The following LAMA2 variants were observed in gnomAD, a reference collection of about 807,000 sequenced individuals.
LAMA2 encodes the protein laminin subunit alpha-2.
A neutral mutation model predicts 364.8 loss-of-function variants in LAMA2; 269 were observed. The observed-to-expected ratio is 0.74, with a 90% CI of 0.67 to 0.82. The LOEUF is 0.82. LAMA2 is among the 40% of genes least tolerant of loss of function. LAMA2 has a pLI of 0.00. For missense variants in LAMA2, 3,807 were observed against 3,873.2 expected (o/e 0.98, Z 0.45); for synonymous variants, 1,379 against 1,370.6 (o/e 1.01, Z -0.14).
chr6:128,956,359 G>T (rs767378447), intron 1 of LAMA2, among the ~76,000 whole-genome samples: 2 of 151,884 alleles, frequency 1.3e-5, no homozygotes, highest in Non-Finnish European at 2.9e-5. Context: ...TGCCTTTAGG[G>T]AATTTTTTTA....
At chr6:129,031,118 A>ATG (rs914079637) in intron 1 of LAMA2, among the ~76,000 whole-genome samples, 21 of 152,192 alleles carry the variant, frequency 1.4e-4, no homozygotes, top group Admixed American at 1.2e-3. Flanking sequence ...CTGCATATTT[A>ATG]TGTGTGTGTT....
At chr6:129,384,253 T>C (rs114334729) in intron 35 of LAMA2, among the ~76,000 whole-genome samples, 1,545 of 152,298 alleles carry the variant, frequency 0.01, 17 homozygotes, top group African/African-American at 0.035. Flanking sequence ...GTACTTTCCC[T>C]AGTATTATTT....
intron 51 of LAMA2, among the ~76,000 whole-genome samples, chr6:129,471,900 T>C (rs1783830522): frequency 6.6e-6 from 1 of 151,972 alleles, no homozygotes; most frequent in East Asian, 1.9e-4. Flanking sequence ...TTTGATTTTA[T>C]TGAAGACACA....
At chr6:129,088,288 T>G (rs566666855) in intron 3 of LAMA2, among the ~76,000 whole-genome samples, 1 of 152,022 alleles carries the variant, frequency 6.6e-6, no homozygotes, top group African/African-American at 2.4e-5. Context: ...CTCCTATGTC[T>G]ACTTCTTTCT....
At chr6:129,051,458 C>T (rs146335727) in intron 2 of LAMA2, among the ~76,000 whole-genome samples, 15,716 of 149,038 alleles carry the variant, frequency 0.11, 1,002 homozygotes, top group Middle Eastern at 0.2. Flanking sequence ...ATTACAGGCA[C>T]GTGACACCAT....
At position 129,465,169 on chromosome 6, in the gene LAMA2, A is replaced by G. The variant is rs773603352; in HGVS notation, c.7180A>G (p.Thr2394Ala). ...GAGAGATTTCATGAGTGTGGAGCTCACTGATGGGCACATAAAAGTCAGTTA... is the reference window on the plus strand; with the variant it reads ...GAGAGATTTCATGAGTGTGGAGCTCGCTGATGGGCACATAAAAGTCAGTTA... ...DLRDFMSVELTDGHIKVSYDL... is the reference protein window; with the variant it reads ...DLRDFMSVELADGHIKVSYDL... Residue 2394 changes from threonine (T) to alanine (A), a missense_variant, in exon 51 of 65, where the codon ACT (threonine) becomes GCT (alanine). Coordinates refer to ENST00000421865, the MANE Select transcript of LAMA2 (RefSeq NM_000426.4). 8 of 1,611,106 alleles carry G rather than the reference A, an allele frequency of 5.0e-6. No individual in the cohort carries two copies. In the South Asian group the frequency reaches 7.7e-5, roughly 15 times the overall value.
chr6:129,079,553 G>GT (rs111592167), intron 3 of LAMA2, among the ~76,000 whole-genome samples: 11,371 of 139,688 alleles, frequency 0.081, 599 homozygotes, highest in African/African-American at 0.15. Flanking sequence ...TTCTTTTTCT[G>GT]TTTTTTTTTT....
intron 4 of LAMA2, among the ~76,000 whole-genome samples, chr6:129,132,136 G>A (rs1483308617): frequency 6.6e-6 from 1 of 151,946 alleles, no homozygotes; most frequent in East Asian, 1.9e-4. Flanking sequence ...GATCTGGAGG[G>A]GATTTGAGCT....
At chr6:129,345,722 G>A (rs1382368268) in intron 30 of LAMA2, among the ~76,000 whole-genome samples, 2 of 150,286 alleles carry the variant, frequency 1.3e-5, no homozygotes, top group Non-Finnish European at 3.0e-5. Flanking sequence ...TATACACCAT[G>A]CCATTTATTT....
At chr6:129,353,125 G>C in intron 31 of LAMA2, 39 bp from the exon 32 acceptor site, 2 of 1,514,930 alleles carry the variant, frequency 1.3e-6, no homozygotes, top group South Asian at 1.1e-5. Context: ...GACATGACTT[G>C]CTATTAACCT....
At position 129,049,936 on chromosome 6, in the gene LAMA2, T is replaced by A; in HGVS notation, c.131T>A (p.Leu44Gln). The change falls in exon 2 of 65, where the codon CTG becomes CAG. Residue 44 changes from leucine to glutamine, a missense_variant. By Grantham distance (113) the Leu-to-Gln change is moderately radical. Coordinates refer to ENST00000421865, the MANE Select transcript of LAMA2 (RefSeq NM_000426.4). The part of the protein sequence containing the change: ...HQQRGLFPAV[L>Q]NLASNALITT... ...TTTTCAGGTTTATTCCCTGCTGTCC[T>A]GAATCTTGCTTCTAATGCTCTTATC... The A allele has an allele frequency of 6.2e-7, 1 of 1,614,038 alleles. No individual in the cohort carries two copies. The highest frequency in any genetic ancestry group is 8.5e-7 in the Non-Finnish European group (1 of 1,179,876).
At chr6:129,048,940 A>G (rs1180763951) in intron 1 of LAMA2, among the ~76,000 whole-genome samples, 1 of 152,066 alleles carries the variant, frequency 6.6e-6, no homozygotes, top group African/African-American at 2.4e-5. Flanking sequence ...TCAGAAGTTG[A>G]ATTGATATAG....
At chr6:129,195,990 A>G (rs1053241132) in intron 12 of LAMA2, among the ~76,000 whole-genome samples, 4 of 152,186 alleles carry the variant, frequency 2.6e-5, no homozygotes, top group African/African-American at 9.6e-5. Context: ...GGGAGAAGCT[A>G]GCTTGGCTTG....
chr6:129,452,762 C>T (rs1020444876), intron 45 of LAMA2, among the ~76,000 whole-genome samples: 1 of 152,162 alleles, frequency 6.6e-6, no homozygotes, highest in Admixed American at 6.5e-5. Flanking sequence ...GCTAACAAGA[C>T]ATGGAACTGT....
intron 30 of LAMA2, among the ~76,000 whole-genome samples, chr6:129,345,191 G>T (rs904215742): frequency 1.3e-5 from 2 of 152,130 alleles, no homozygotes; most frequent in African/African-American, 2.4e-5. Context: ...TCCCTGTCTT[G>T]TTGGTTCAAG....
intron 20 of LAMA2, among the ~76,000 whole-genome samples, chr6:129,296,732 T>C (rs1773208372): frequency 6.6e-6 from 1 of 152,246 alleles, no homozygotes; most frequent in Admixed American, 6.5e-5. Context: ...TACAAAGAAG[T>C]AATTACCGAG....
intron 63 of LAMA2, 51 bp from the exon 64 acceptor site, chr6:129,514,322 G>A: frequency 7.8e-7 from 1 of 1,279,174 alleles, no homozygotes; most frequent in Non-Finnish European, 1.1e-6. Flanking sequence ...GAACCATCAT[G>A]ATACTTCTTT....
intron 1 of LAMA2, among the ~76,000 whole-genome samples, chr6:128,993,063 T>C (rs1193567612): frequency 1.3e-5 from 2 of 152,170 alleles, no homozygotes; most frequent in Non-Finnish European, 2.9e-5. Context: ...ATGAGAGCTC[T>C]CCCTGAGACA....
intron 12 of LAMA2, among the ~76,000 whole-genome samples, chr6:129,237,115 T>C (rs1057352527): frequency 6.6e-6 from 1 of 152,172 alleles, no homozygotes; most frequent in Admixed American, 6.5e-5. Context: ...AGTTATAAGA[T>C]TCTTACCACA....
Sources: allele counts gnomAD v4.1 joint callset (sites outside exome capture counted in the v4.1 genomes callset), GRCh38; gene constraint gnomAD v4.1.1; transcripts MANE v1.5; gene names NCBI Gene and HGNC (gene_info 2026-07-23, HGNC 2026-07-21).